Variants in HIPK2 observed in about 807,000 individuals in gnomAD.
HIPK2 encodes homeodomain interacting protein kinase 2.
In HIPK2, 27 loss-of-function variants were observed where a neutral mutation model predicts 113.7. The ratio of observed to expected loss-of-function variants is 0.24; its 90% CI spans 0.17 to 0.33. The LOEUF is 0.33. Among genes scored for constraint, HIPK2 ranks in the 10% least tolerant of loss-of-function variants. The probability of loss-of-function intolerance (pLI) is 1.00; values close to 1 mark genes in which losing one functional copy is unlikely to be tolerated. For synonymous variants in HIPK2, 631 were observed against 642.2 expected, an observed-to-expected ratio of 0.98 and a Z score of 0.26; for missense variants, 1,257 against 1,588.0, an observed-to-expected ratio of 0.79 and a Z score of 3.54.
At chr7:139,699,551 G>C (rs1794651273) in intron 2 of HIPK2, among the ~76,000 whole-genome samples, 1 of 152,226 alleles carries the variant, frequency 6.6e-6, no homozygotes, top group Non-Finnish European at 1.5e-5. Context: ...GAGCAGGAGA[G>C]TGTAAGCCCC....
In HIPK2 at chr7:139,777,758, C is replaced by G. The variant is rs911663299; in HGVS notation, c.-135G>C. ...CTCGGCGCAGCCGAGGCCGCCCGCG[C>G]CCGCATCACCGCCTCCCGTGGCCGG... is the stretch of plus-strand genomic sequence containing the variant. On this transcript the variant is annotated 5_prime_UTR_variant, in exon 1 of 15. Transcript: ENST00000406875. 355 of 842,264 alleles carry G rather than the reference C, an allele frequency of 4.2e-4. 1 individual carries two copies. Among genetic ancestry groups the G allele is most frequent in the Admixed American group, 2.5e-3 (41 of 16,366 alleles). The allele number at this position is 842,264 out of a possible 1,614,324, so 52.2% of individuals were successfully genotyped here. A position where few individuals can be genotyped will look rare whatever the true frequency, so the allele number is the denominator to read the frequency against.
intron 2 of HIPK2, among the ~76,000 whole-genome samples, chr7:139,685,580 C>T (rs1019633323): frequency 2.0e-5 from 3 of 152,234 alleles, no homozygotes; most frequent in African/African-American, 7.2e-5. Flanking sequence ...GACAGGCTTG[C>T]TCTCTTGTTA....
chr7:139,581,216 C>T (rs138235544), intron 13 of HIPK2, among the ~76,000 whole-genome samples: 226 of 152,116 alleles, frequency 1.5e-3, no homozygotes, highest in African/African-American at 5.0e-3. Context: ...CGAGACTCCT[C>T]TCCGGAAAAA....
chr7:139,755,532 T>C (rs1428480772), intron 1 of HIPK2, among the ~76,000 whole-genome samples: 2 of 152,266 alleles, frequency 1.3e-5, no homozygotes, highest in African/African-American at 4.8e-5. Flanking sequence ...CAAGGTCTCC[T>C]GAGCTGACGG....
chr7:139,639,023 G>C (rs1277114766), intron 2 of HIPK2, among the ~76,000 whole-genome samples: 2 of 152,196 alleles, frequency 1.3e-5, no homozygotes, highest in African/African-American at 4.8e-5. Flanking sequence ...CTGGAGGGCA[G>C]GGTCTGCATC....
chr7:139,633,095 CAAAAAAAA>C (rs942820284), intron 2 of HIPK2, among the ~76,000 whole-genome samples: 104 of 74,636 alleles, frequency 1.4e-3, no homozygotes, highest in Middle Eastern at 8.5e-3. Flanking sequence ...GACCCTGTCT[CAAAAAAAA>C]AAAAAAAAAA....
At chr7:139,587,488 C>CAAAAAAAAA (rs1213368741) in intron 12 of HIPK2, among the ~76,000 whole-genome samples, 6 of 43,996 alleles carry the variant, frequency 1.4e-4, no homozygotes, top group Non-Finnish European at 1.8e-4. Context: ...GACTGTGTCT[C>CAAAAAAAAA]AAAAAAAAAA....
intron 1 of HIPK2, among the ~76,000 whole-genome samples, chr7:139,774,061 T>C (rs1051036255): frequency 6.6e-6 from 1 of 152,188 alleles, no homozygotes; most frequent in African/African-American, 2.4e-5. Context: ...AGAAGGTTCT[T>C]TCTTCTATGG....
At chr7:139,677,231 ATAT>A (rs1401677453) in intron 2 of HIPK2, among the ~76,000 whole-genome samples, 2 of 131,602 alleles carry the variant, frequency 1.5e-5, no homozygotes, top group East Asian at 2.2e-4. Context: ...AGAGGGGCTG[ATAT>A]TATATATATT....
In HIPK2 at chr7:139,613,430, A is replaced by C; in HGVS notation, c.1991-107T>G. 1 of 1,353,832 alleles carries C rather than the reference A, an allele frequency of 7.4e-7. No homozygotes were observed. Among genetic ancestry groups the C allele is most frequent in the Non-Finnish European group, 1.0e-6 (1 of 988,870 alleles). 83.9% of individuals were successfully genotyped at this position (1,353,832 alleles called of 1,614,324 possible). A position where few individuals can be genotyped will look rare whatever the true frequency, so the allele number is the denominator to read the frequency against. On this transcript the variant is annotated intron_variant, in intron 8 of 14. Coordinates refer to ENST00000406875, the MANE Select transcript of HIPK2 (RefSeq NM_022740.5). The surrounding 1 kb of genome is among the most constrained non-coding windows in gnomAD (Gnocchi z 4.2). ...ATGTCAACTTTCTGCTTCCCTTTGCACTGGTCACTGACAACAACCAGGTAT... is the reference window on the plus strand; with the variant it reads ...ATGTCAACTTTCTGCTTCCCTTTGCCCTGGTCACTGACAACAACCAGGTAT...
At chr7:139,763,482 C>A (rs1034304127) in intron 1 of HIPK2, among the ~76,000 whole-genome samples, 6 of 135,208 alleles carry the variant, frequency 4.4e-5, no homozygotes, top group Non-Finnish European at 7.9e-5. Context: ...GCCCCCCCCC[C>A]CACACGCCCC....
At chr7:139,632,908 T>A (rs1800667719) in intron 2 of HIPK2, among the ~76,000 whole-genome samples, 1 of 151,656 alleles carries the variant, frequency 6.6e-6, no homozygotes, top group Non-Finnish European at 1.5e-5. Flanking sequence ...CAAAACCCTG[T>A]CTCTACCAAA....
chr7:139,750,011 C>G (rs1387329582), intron 1 of HIPK2, among the ~76,000 whole-genome samples: 2 of 152,244 alleles, frequency 1.3e-5, no homozygotes, highest in Non-Finnish European at 2.9e-5. Flanking sequence ...GCTCTCCAAC[C>G]TCCCGTCCAG....
intron 2 of HIPK2, among the ~76,000 whole-genome samples, chr7:139,644,151 C>CT (rs1324204557): frequency 3.3e-5 from 5 of 152,064 alleles, no homozygotes; most frequent in Non-Finnish European, 7.4e-5. Flanking sequence ...GCTCCAGGCT[C>CT]TTTTTAAATG....
chr7:139,760,293 C>G (rs545683841), intron 1 of HIPK2, among the ~76,000 whole-genome samples: 1 of 150,794 alleles, frequency 6.6e-6, no homozygotes, highest in Admixed American at 6.6e-5. Flanking sequence ...CGTGAGCCAC[C>G]GCACCCGGCC....
rs575468686 is a variant in HIPK2, at chr7:139,570,651, C to G, written c.*2276G>C. The G allele has an allele frequency of 6.6e-6, 1 of 152,286 alleles. No homozygotes were observed. The highest frequency in any genetic ancestry group is 2.4e-5 in the African/African-American group (1 of 41,434). The allele number at this position is 152,286 out of a possible 1,614,324, so 9.4% of individuals were successfully genotyped here. ...ACAGCTAAGAGCTAAGTAACGACTT[C>G]GTTACTGAGTTAGGTTGGATATCAC... is the stretch of plus-strand genomic sequence containing the variant. On this transcript the variant is annotated 3_prime_UTR_variant, in exon 15 of 15. Coordinates refer to ENST00000406875, the MANE Select transcript of HIPK2 (RefSeq NM_022740.5).
chr7:139,647,279 G>C (rs1801269650), intron 2 of HIPK2, among the ~76,000 whole-genome samples: 1 of 152,110 alleles, frequency 6.6e-6, no homozygotes. Flanking sequence ...TGCAGACATT[G>C]GGTGTCATTG....
intron 12 of HIPK2, among the ~76,000 whole-genome samples, chr7:139,595,687 G>A (rs982393248): frequency 6.6e-6 from 1 of 152,038 alleles, no homozygotes; most frequent in African/African-American, 2.4e-5. Flanking sequence ...AAGAGGGAAG[G>A]GAACGTCCTA....
Position 139,572,862 on chromosome 7 carries a change from TCCTTCTCTCCCTCCTCCCTCGGGC to T in HIPK2, c.*41_*64del, listed in dbSNP as rs1288731279. On this transcript the variant is annotated 3_prime_UTR_variant, in exon 15 of 15. Transcript: ENST00000406875. ...GCCCACGGTCCCAGGAGCGCCTCCC[TCCTTCTCTCCCTCCTCCCTCGGGC>T]CATTCTCTCCCTCCCTCCCTCCCTC... 8.2e-7 allele frequency: 1 copy of T among 1,214,270 alleles called. No individual in the cohort carries two copies. The highest frequency in any genetic ancestry group is 3.7e-5 in the Admixed American group (1 of 26,828). The allele number at this position is 1,214,270 out of a possible 1,614,324, so 75.2% of individuals were successfully genotyped here.
Sources: gnomAD v4.1 joint callset for allele counts (sites outside exome capture counted in the v4.1 genomes callset) on GRCh38, gnomAD v4.1.1 for gene constraint, Gnocchi (gnomAD v3.1) non-coding constraint, MANE v1.5 for transcripts, NCBI Gene and HGNC (gene_info 2026-07-23, HGNC 2026-07-21) for gene names.